WDR70: variants seen among roughly 807,000 people sequenced by gnomAD.
The protein encoded by WDR70 is WD repeat-containing protein 70.
WDR70 carries 53 observed loss-of-function variants against 88.6 expected under a neutral mutation model. The ratio of observed to expected loss-of-function variants is 0.60; its 90% CI spans 0.48 to 0.75. The LOEUF is 0.75. Among genes scored for constraint, WDR70 ranks in the 30% least tolerant of loss-of-function variants. The pLI, the probability that WDR70 is intolerant of heterozygous loss-of-function variation, is 0.00. For synonymous variants in WDR70, 280 were observed against 270.0 expected (o/e 1.04, Z -0.36); for missense variants, 610 against 823.2 (o/e 0.74, Z 3.17).
At chr5:37,472,710 G>C (rs913364546) in intron 7 of WDR70, among the ~76,000 whole-genome samples, 2 of 151,918 alleles carry the variant, frequency 1.3e-5, no homozygotes, top group Non-Finnish European at 2.9e-5. Context: ...TTTTGGCCAG[G>C]TTGATCTCAA....
intron 9 of WDR70, among the ~76,000 whole-genome samples, chr5:37,574,382 C>A (rs565280020): frequency 2.6e-5 from 4 of 152,164 alleles, no homozygotes; most frequent in South Asian, 2.1e-4. Context: ...CAGCATACCC[C>A]CCTCCATGGC....
chr5:37,471,547 C>G (rs566462429), intron 7 of WDR70, among the ~76,000 whole-genome samples: 1 of 150,942 alleles, frequency 6.6e-6, no homozygotes, highest in Non-Finnish European at 1.5e-5. Context: ...CATATTCACT[C>G]GCAATTTTTG....
At chr5:37,560,880 T>A (rs944708596) in intron 9 of WDR70, among the ~76,000 whole-genome samples, 1 of 146,356 alleles carries the variant, frequency 6.8e-6, no homozygotes, top group African/African-American at 2.5e-5. Context: ...AGTGCAATAA[T>A]AGCCCACTGC....
intron 9 of WDR70, among the ~76,000 whole-genome samples, chr5:37,589,353 A>G (rs971398637): frequency 2.0e-5 from 3 of 151,932 alleles, no homozygotes; most frequent in African/African-American, 7.3e-5. Flanking sequence ...TATGCATAAT[A>G]TATATGTTTA....
At chr5:37,631,020 T>G (rs529179214) in intron 10 of WDR70, among the ~76,000 whole-genome samples, 1 of 152,242 alleles carries the variant, frequency 6.6e-6, no homozygotes, top group South Asian at 2.1e-4. Context: ...ATATTCTGCT[T>G]ACCTTTTTCC....
intron 10 of WDR70, among the ~76,000 whole-genome samples, chr5:37,676,339 T>C (rs1746206912): frequency 6.6e-6 from 1 of 152,032 alleles, no homozygotes; most frequent in African/African-American, 2.4e-5. Context: ...GCTTCCAGTT[T>C]TTGTCCATTC....
chr5:37,701,953 T>A (rs1747176569), intron 12 of WDR70, among the ~76,000 whole-genome samples: 1 of 152,216 alleles, frequency 6.6e-6, no homozygotes, highest in Non-Finnish European at 1.5e-5. Context: ...TGAACGCTGT[T>A]ATCTCCAATC....
intron 9 of WDR70, among the ~76,000 whole-genome samples, chr5:37,523,296 A>C (rs1741153850): frequency 6.6e-6 from 1 of 152,230 alleles, no homozygotes; most frequent in South Asian, 2.1e-4. Flanking sequence ...CAGAGGAACG[A>C]TCAGGCAGCA....
chr5:37,648,268 C>T (rs1305955868), intron 10 of WDR70, among the ~76,000 whole-genome samples: 1 of 152,044 alleles, frequency 6.6e-6, no homozygotes, highest in Non-Finnish European at 1.5e-5. Context: ...CCTCTGAGCT[C>T]TATGAAAGCA....
At chr5:37,634,376 A>T (rs933903001) in intron 10 of WDR70, among the ~76,000 whole-genome samples, 8 of 152,106 alleles carry the variant, frequency 5.3e-5, no homozygotes, top group Non-Finnish European at 1.0e-4. Context: ...AGAAGACTTT[A>T]TTAAGCTTTG....
chr5:37,410,452 A>G (rs1204241298), intron 5 of WDR70, among the ~76,000 whole-genome samples: 2 of 151,824 alleles, frequency 1.3e-5, no homozygotes, highest in African/African-American at 4.8e-5. Flanking sequence ...TTTGAAATAT[A>G]ATTTCCTCTA....
intron 9 of WDR70, among the ~76,000 whole-genome samples, chr5:37,527,150 A>T (rs2112292882): frequency 6.6e-6 from 1 of 152,300 alleles, no homozygotes; most frequent in South Asian, 2.1e-4. Context: ...TTTATATGGA[A>T]CCAAAAAAGA....
At chr5:37,523,626 T>A (rs750683423) in intron 9 of WDR70, among the ~76,000 whole-genome samples, 4 of 152,192 alleles carry the variant, frequency 2.6e-5, no homozygotes, top group Non-Finnish European at 5.9e-5. Context: ...CAAAGGTGGA[T>A]GGAGAATGAC....
At chr5:37,721,260 G>A in intron 14 of WDR70, 45 bp downstream of exon 14, 4 of 1,555,242 alleles carry the variant, frequency 2.6e-6, no homozygotes, top group South Asian at 1.1e-5. Flanking sequence ...ACAACAACTG[G>A]GGGGAGGGAT....
intron 10 of WDR70, among the ~76,000 whole-genome samples, chr5:37,656,004 A>G (rs993524686): frequency 1.1e-4 from 16 of 151,724 alleles, no homozygotes; most frequent in African/African-American, 3.9e-4. Context: ...GTGATCCTTT[A>G]GAAGAGAAGA....
chr5:37,389,732 C>T (rs1748754074), intron 3 of WDR70, among the ~76,000 whole-genome samples: 2 of 152,112 alleles, frequency 1.3e-5, no homozygotes. Context: ...TAAATCTGGA[C>T]ACTGCTTTTT....
intron 9 of WDR70, among the ~76,000 whole-genome samples, chr5:37,580,229 G>T (rs1259633770): frequency 6.6e-6 from 1 of 152,136 alleles, no homozygotes; most frequent in Non-Finnish European, 1.5e-5. Flanking sequence ...TTATTTGGAA[G>T]CCGTATTGCC....
At chr5:37,457,378 GAGCCA>G (rs1384672685) in intron 7 of WDR70, among the ~76,000 whole-genome samples, 1 of 152,184 alleles carries the variant, frequency 6.6e-6, no homozygotes, top group East Asian at 1.9e-4. Context: ...TTACAGGTGT[GAGCCA>G]CTGCACCCAG....
chr5:37,520,350 A>G (rs1051539308), intron 9 of WDR70, among the ~76,000 whole-genome samples: 7 of 152,122 alleles, frequency 4.6e-5, no homozygotes, highest in African/African-American at 1.7e-4. Flanking sequence ...AATTTGATCT[A>G]AAAGAAACTG....
Sources: gnomAD v4.1 joint callset for allele counts (sites outside exome capture counted in the v4.1 genomes callset) on GRCh38, gnomAD v4.1.1 for gene constraint, MANE v1.5 for transcripts, NCBI Gene and HGNC (gene_info 2026-07-23, HGNC 2026-07-21) for gene names.